The following CSMD1 variants were observed in gnomAD, a reference collection of about 807,000 sequenced individuals.
CSMD1 encodes CUB and Sushi multiple domains 1.
CSMD1 carries 213 observed loss-of-function variants against 417.5 expected under a neutral mutation model. The observed-to-expected ratio is 0.51, with a 90% CI of 0.46 to 0.57. CSMD1 has a LOEUF of 0.57. Ranked by LOEUF, CSMD1 falls within the 20% of genes least tolerant of loss-of-function variation. The pLI, the probability that CSMD1 is intolerant of heterozygous loss-of-function variation, is 0.00. For missense variants in CSMD1, 6,923 were observed against 4,529.7 expected (o/e 1.53, Z -15.17); for synonymous variants, 2,862 against 1,736.8 (o/e 1.65, Z -16.11).
intron 26 of CSMD1, among the ~76,000 whole-genome samples, chr8:3,247,374 C>G (rs35729878): frequency 0.17 from 25,628 of 152,112 alleles, 2,497 homozygotes; most frequent in Non-Finnish European, 0.21. Context: ...GAACCGCTAG[C>G]AGTGAACCCA....
At chr8:3,490,220 T>C (rs1420339631) in intron 11 of CSMD1, among the ~76,000 whole-genome samples, 2 of 152,232 alleles carry the variant, frequency 1.3e-5, no homozygotes, top group Non-Finnish European at 1.5e-5. Context: ...GGCTGCATTA[T>C]GTTTCCCAAA....
chr8:3,710,293 AATCT>A (rs1254046040), intron 6 of CSMD1, among the ~76,000 whole-genome samples: 1 of 152,086 alleles, frequency 6.6e-6, no homozygotes, highest in Non-Finnish European at 1.5e-5. Flanking sequence ...TGTATAAATA[AATCT>A]ATCTATACAC....
At chr8:3,201,183 T>C (rs1221580456) in intron 32 of CSMD1, among the ~76,000 whole-genome samples, 1 of 152,210 alleles carries the variant, frequency 6.6e-6, no homozygotes, top group African/African-American at 2.4e-5. Flanking sequence ...TGTATACATG[T>C]GAACACGTGT....
chr8:3,916,718 A>G (rs1808853837), intron 5 of CSMD1, among the ~76,000 whole-genome samples: 1 of 152,178 alleles, frequency 6.6e-6, no homozygotes, highest in Admixed American at 6.5e-5. Context: ...CAAGGATAGA[A>G]AAAGTAGAGA....
chr8:4,993,950 G>A (rs977607730), intron 1 of CSMD1, among the ~76,000 whole-genome samples: 9 of 152,050 alleles, frequency 5.9e-5, no homozygotes, highest in Non-Finnish European at 1.3e-4. Flanking sequence ...GAAAGTCCTG[G>A]GAACTGCCCC....
At chr8:4,391,915 C>G (rs1024799818) in intron 3 of CSMD1, among the ~76,000 whole-genome samples, 10 of 152,190 alleles carry the variant, frequency 6.6e-5, no homozygotes, top group Admixed American at 1.3e-4. Flanking sequence ...TGTCTTAGAA[C>G]CCTGAGGCTC....
At position 4,910,921 on chromosome 8, in the gene CSMD1, T is replaced by G. The variant is rs143431248; in HGVS notation, c.85+83411A>C. ...GACCCAGTGGGAGGTAATTGAATCATGGGGTCAGGTCTCTCCCATGCTGTT... is the reference window on the plus strand; with the variant it reads ...GACCCAGTGGGAGGTAATTGAATCAGGGGGTCAGGTCTCTCCCATGCTGTT... On this transcript the variant is annotated intron_variant, in intron 1 of 69. Coordinates refer to ENST00000635120, the MANE Select transcript of CSMD1 (RefSeq NM_033225.6). Among the ~76,000 whole-genome samples, 580 of 152,228 alleles carry G rather than the reference T, an allele frequency of 3.8e-3. 2 individuals are homozygous for G. Among genetic ancestry groups the G allele is most frequent in the African/African-American group, 0.013 (547 of 41,564 alleles).
chr8:4,561,997 A>G (rs992476063), intron 2 of CSMD1, among the ~76,000 whole-genome samples: 6 of 152,214 alleles, frequency 3.9e-5, no homozygotes, highest in African/African-American at 1.4e-4. Context: ...AGGAAGCTTT[A>G]AAATCACAGA....
intron 2 of CSMD1, among the ~76,000 whole-genome samples, chr8:4,514,927 G>T (rs1369713556): frequency 1.3e-5 from 2 of 152,122 alleles, no homozygotes; most frequent in African/African-American, 4.8e-5. Flanking sequence ...TATGAATCCA[G>T]ACTCATTCAT....
chr8:4,760,218 T>A (rs954160200), intron 1 of CSMD1, among the ~76,000 whole-genome samples: 5 of 152,230 alleles, frequency 3.3e-5, no homozygotes, highest in Non-Finnish European at 7.3e-5. Flanking sequence ...TGTAATTATC[T>A]ATTGTTATAT....
intron 12 of CSMD1, among the ~76,000 whole-genome samples, chr8:3,464,231 C>G (rs938879762): frequency 1.3e-5 from 2 of 152,180 alleles, no homozygotes; most frequent in African/African-American, 4.8e-5. Flanking sequence ...ACCAAAAATG[C>G]TTCAGAGTCA....
chr8:4,259,696 A>G (rs1803735623), intron 3 of CSMD1, among the ~76,000 whole-genome samples: 1 of 152,144 alleles, frequency 6.6e-6, no homozygotes, highest in South Asian at 2.1e-4. Context: ...TCTATTCATC[A>G]TGTACACATT....
chr8:3,026,480 C>A (rs560498917), intron 51 of CSMD1, among the ~76,000 whole-genome samples: 1 of 151,710 alleles, frequency 6.6e-6, no homozygotes, highest in Non-Finnish European at 1.5e-5. Flanking sequence ...CTGGACCTCA[C>A]TGGGCTTGAC....
At chr8:4,154,589 T>C (rs150526121) in intron 3 of CSMD1, among the ~76,000 whole-genome samples, 1 of 152,296 alleles carries the variant, frequency 6.6e-6, no homozygotes, top group African/African-American at 2.4e-5. Flanking sequence ...GTGAGGTCTT[T>C]GGCAATAGGA....
chr8:3,837,486 C>G (rs924993845), intron 5 of CSMD1, among the ~76,000 whole-genome samples: 1 of 152,034 alleles, frequency 6.6e-6, no homozygotes, highest in Admixed American at 6.6e-5. Flanking sequence ...TGCTGAACAG[C>G]AGAAACAAGA....
chr8:3,168,384 G>A (rs891729451), intron 37 of CSMD1, among the ~76,000 whole-genome samples: 1 of 152,108 alleles, frequency 6.6e-6, no homozygotes, highest in African/African-American at 2.4e-5. Flanking sequence ...GCACAGGTAT[G>A]GCACACCCTA....
At chr8:4,866,279 G>A (rs1001053525) in intron 1 of CSMD1, among the ~76,000 whole-genome samples, 2 of 151,832 alleles carry the variant, frequency 1.3e-5, no homozygotes, top group African/African-American at 2.4e-5. Context: ...TTGGTTCTTA[G>A]TACTCTTGCA....
chr8:4,437,075 G>A (rs1260614837), intron 2 of CSMD1, among the ~76,000 whole-genome samples: 3 of 152,098 alleles, frequency 2.0e-5, no homozygotes, highest in Non-Finnish European at 2.9e-5. Flanking sequence ...GACAGGCTAT[G>A]GAAGAACAAA....
At chr8:3,266,604 CAAAAAAAAA>C (rs60439183) in intron 26 of CSMD1, among the ~76,000 whole-genome samples, 1 of 25,500 alleles carries the variant, frequency 3.9e-5, no homozygotes, top group Non-Finnish European at 6.4e-5. Context: ...GACTCCCTCT[CAAAAAAAAA>C]AAAAAAAAAA....
Sources: gnomAD v4.1 joint callset for allele counts (sites outside exome capture counted in the v4.1 genomes callset) on GRCh38, gnomAD v4.1.1 for gene constraint, MANE v1.5 for transcripts, NCBI Gene and HGNC (gene_info 2026-07-23, HGNC 2026-07-21) for gene names.